Variants in MBNL2 observed in about 807,000 individuals in gnomAD.
MBNL2 encodes muscleblind like splicing regulator 2.
A neutral mutation model predicts 41.9 loss-of-function variants in MBNL2; 17 were observed. The ratio of observed to expected loss-of-function variants is 0.41; its 90% CI spans 0.28 to 0.61. MBNL2 has a LOEUF of 0.61. Among genes scored for constraint, MBNL2 ranks in the 20% least tolerant of loss-of-function variants. The pLI is 0.35. For missense variants in MBNL2, 336 were observed against 505.6 expected, an observed-to-expected ratio of 0.66 and a Z score of 3.22; for synonymous variants, 195 against 182.9, an observed-to-expected ratio of 1.07 and a Z score of -0.53.
intron 2 of MBNL2, among the ~76,000 whole-genome samples, chr13:97,327,793 G>A (rs2060033567): frequency 6.6e-6 from 1 of 152,098 alleles, no homozygotes; most frequent in Non-Finnish European, 1.5e-5. Flanking sequence ...GAATAGCAAA[G>A]GTTTAAAGAG....
intron 2 of MBNL2, among the ~76,000 whole-genome samples, chr13:97,325,538 C>T (rs1300985444): frequency 6.6e-6 from 1 of 152,102 alleles, no homozygotes; most frequent in Non-Finnish European, 1.5e-5. Flanking sequence ...TGAGACCAGC[C>T]TGGGCAACAC....
chr13:97,355,851 T>C (rs2062936097), intron 5 of MBNL2, among the ~76,000 whole-genome samples: 1 of 152,198 alleles, frequency 6.6e-6, no homozygotes, highest in Non-Finnish European at 1.5e-5. Context: ...ATTAATGGGG[T>C]TGCTCACTGA....
chr13:97,264,555 T>C (rs2049345013), intron 1 of MBNL2, among the ~76,000 whole-genome samples: 1 of 152,252 alleles, frequency 6.6e-6, no homozygotes, highest in South Asian at 2.1e-4. Context: ...ATAAAGTAGC[T>C]TTCTGTTGAT....
chr13:97,266,500 C>T (rs180915026), intron 1 of MBNL2, among the ~76,000 whole-genome samples: 11 of 152,348 alleles, frequency 7.2e-5, no homozygotes, highest in Admixed American at 7.2e-4. Context: ...GTCTTACACC[C>T]TCCTTCTGGA....
the MBNL2 span, among the ~76,000 whole-genome samples, chr13:97,180,740 T>TAA: frequency 8.0e-4 from 69 of 86,004 alleles, 1 homozygote; most frequent in East Asian, 7.9e-3. Flanking sequence ...AGACTCCATC[T>TAA]AAAAAAAAAA....
At chr13:97,294,624 GT>G (rs2056740403) in intron 2 of MBNL2, among the ~76,000 whole-genome samples, 1 of 152,178 alleles carries the variant, frequency 6.6e-6, no homozygotes, top group South Asian at 2.1e-4. Context: ...CCAGTGTTCT[GT>G]ATCTTTAGAA....
intron 2 of MBNL2, among the ~76,000 whole-genome samples, chr13:97,305,717 C>T (rs373823206): frequency 2.0e-5 from 3 of 151,930 alleles, no homozygotes; most frequent in Non-Finnish European, 4.4e-5. Flanking sequence ...TGCAGTAAGC[C>T]GTGCGCACAC....
chr13:97,368,681 T>C (rs1026311851), intron 8 of MBNL2, among the ~76,000 whole-genome samples: 1 of 150,966 alleles, frequency 6.6e-6, no homozygotes, highest in Non-Finnish European at 1.5e-5. Flanking sequence ...AGAGAGAGAT[T>C]CCATAGGTAT....
chr13:97,203,343 T>A, the MBNL2 span, among the ~76,000 whole-genome samples: 1 of 152,160 alleles, frequency 6.6e-6, no homozygotes, highest in African/African-American at 2.4e-5. Context: ...GGATCAATAA[T>A]TCTGTGAATA....
At chr13:97,190,676 A>G in the MBNL2 span, among the ~76,000 whole-genome samples, 1 of 152,224 alleles carries the variant, frequency 6.6e-6, no homozygotes, top group Non-Finnish European at 1.5e-5. Flanking sequence ...TGTCTTTTGC[A>G]TAGTCAAGGA....
At chr13:97,189,979 C>CTGATAT in the MBNL2 span, among the ~76,000 whole-genome samples, 1 of 152,248 alleles carries the variant, frequency 6.6e-6, no homozygotes. Context: ...ATAGCTCAGC[C>CTGATAT]TGATATGTTT....
intron 2 of MBNL2, among the ~76,000 whole-genome samples, chr13:97,330,753 C>T (rs1445629679): frequency 3.3e-5 from 5 of 152,142 alleles, no homozygotes; most frequent in African/African-American, 7.2e-5. Context: ...ACAAAAACTT[C>T]CTTACAAATT....
At chr13:97,243,990 GA>G (rs1040410209) in intron 1 of MBNL2, among the ~76,000 whole-genome samples, 8 of 152,054 alleles carry the variant, frequency 5.3e-5, no homozygotes, top group Admixed American at 5.2e-4. Context: ...AGGCAAGGGG[GA>G]AAAAAACACA....
chr13:97,155,175 AT>A, the MBNL2 span, among the ~76,000 whole-genome samples: 1 of 152,060 alleles, frequency 6.6e-6, no homozygotes, highest in East Asian at 1.9e-4. Context: ...GGACTTTGGA[AT>A]TTTTTTGTAG....
At chr13:97,309,332 T>G (rs1338937660) in intron 2 of MBNL2, among the ~76,000 whole-genome samples, 2 of 152,222 alleles carry the variant, frequency 1.3e-5, no homozygotes, top group African/African-American at 2.4e-5. Context: ...TGTTGTTGAC[T>G]GTAACTTACT....
chr13:97,185,805 A>G, the MBNL2 span, among the ~76,000 whole-genome samples: 1 of 152,224 alleles, frequency 6.6e-6, no homozygotes, highest in Non-Finnish European at 1.5e-5. Flanking sequence ...GCTTGTGTTA[A>G]TTCATCACAG....
intron 2 of MBNL2, among the ~76,000 whole-genome samples, chr13:97,332,466 C>A (rs9584553): frequency 6.6e-6 from 1 of 152,084 alleles, no homozygotes; most frequent in South Asian, 2.1e-4. Flanking sequence ...AACAAAGAGA[C>A]AAGCAATTGT....
intron 7 of MBNL2, among the ~76,000 whole-genome samples, chr13:97,357,912 C>G (rs1468155729): frequency 1.3e-5 from 2 of 152,122 alleles, no homozygotes; most frequent in Non-Finnish European, 2.9e-5. Flanking sequence ...TGCACAAGCC[C>G]TGTAAAATTG....
chr13:97,277,537 A>T (rs2052418528), intron 2 of MBNL2, among the ~76,000 whole-genome samples: 2 of 152,216 alleles, frequency 1.3e-5, no homozygotes. Flanking sequence ...TTTTGTCTTA[A>T]GTAAAAAATT....
Sources: gnomAD v4.1 joint callset for allele counts (sites outside exome capture counted in the v4.1 genomes callset) on GRCh38, gnomAD v4.1.1 for gene constraint, MANE v1.5 for transcripts, NCBI Gene and HGNC (gene_info 2026-07-23, HGNC 2026-07-21) for gene names.